Variants in CIT observed in about 807,000 individuals in gnomAD.
CIT encodes citron Rho-interacting kinase.
CIT carries 79 observed loss-of-function variants against 272.7 expected under a neutral mutation model. The ratio of observed to expected loss-of-function variants is 0.29; its 90% CI spans 0.24 to 0.35. The LOEUF is 0.35. Ranked by LOEUF, CIT falls within the 10% of genes least tolerant of loss-of-function variation. The pLI is 1.00. For synonymous variants in CIT, 948 were observed against 995.6 expected, an observed-to-expected ratio of 0.95 and a Z score of 0.90; for missense variants, 1,909 against 2,618.3, an observed-to-expected ratio of 0.73 and a Z score of 5.91.
chr12:119,713,280 C>A lies in CIT; in HGVS notation c.4502G>T (p.Gly1501Val). ...WMKVPRNNKRGQQGWDRKYIV... is the reference protein window; with the variant it reads ...WMKVPRNNKRVQQGWDRKYIV... ...GTACTTCCTGTCCCAGCCTTGCTGT[C>A]CTCGTTTGTTATTCCTGGGGAAAGA... Residue 1501 changes from glycine to valine, a missense_variant, in exon 35 of 48, where the codon GGA (glycine) becomes GTA (valine). Gly to Val is a moderately radical substitution (Grantham distance 109, BLOSUM62 -3). Around this residue, in one of 8 missense-constraint regions of CIT, gnomAD observed 780 missense variants for 1,067.2 expected, o/e 0.73. Coordinates refer to ENST00000392521, the MANE Select transcript of CIT (RefSeq NM_001206999.2). This position sits in a 1 kb window ranked among gnomAD's most constrained non-coding sequence, Gnocchi z 5.2. 1 of 1,614,044 alleles carries A rather than the reference C, an allele frequency of 6.2e-7. No individual in the cohort carries two copies. Among genetic ancestry groups the A allele is most frequent in the Non-Finnish European group, 8.5e-7 (1 of 1,179,960 alleles).
intron 10 of CIT, among the ~76,000 whole-genome samples, chr12:119,791,629 G>A (rs1965315437): frequency 6.6e-6 from 1 of 152,232 alleles, no homozygotes; most frequent in South Asian, 2.1e-4. Flanking sequence ...TTATCCCCAT[G>A]GAGAGAAAAG....
intron 9 of CIT, among the ~76,000 whole-genome samples, chr12:119,803,933 C>A (rs1966421681): frequency 6.6e-6 from 1 of 151,840 alleles, no homozygotes; most frequent in South Asian, 2.1e-4. Flanking sequence ...TAGGATACCA[C>A]TGCAGTCTAC....
rs760540094 is a variant in CIT at position 119,834,276 on chromosome 12, G to C, written c.517-48C>G. 4 of 1,503,098 alleles carry C rather than the reference G, an allele frequency of 2.7e-6. No homozygotes were observed. The African/African-American group carries it at 5.6e-5, about 21-fold the overall frequency. 93.1% of individuals were successfully genotyped at this position (1,503,098 alleles called of 1,614,324 possible). A position where few individuals can be genotyped will look rare whatever the true frequency, so the allele number is the denominator to read the frequency against. On this transcript the variant is annotated intron_variant, in intron 5 of 47. Transcript: ENST00000392521. ...TAATTCTTCACACACCCAAAAATAG[G>C]GAATGCCTCAATTAGATCCTCGAAT...
At chr12:119,801,537 C>T (rs1050362879) in intron 10 of CIT, among the ~76,000 whole-genome samples, 1 of 152,178 alleles carries the variant, frequency 6.6e-6, no homozygotes, top group Admixed American at 6.5e-5. Flanking sequence ...GACCAACACC[C>T]AAGCAAGCTT....
intron 10 of CIT, among the ~76,000 whole-genome samples, chr12:119,788,740 G>A (rs760842246): frequency 2.6e-5 from 4 of 152,064 alleles, no homozygotes; most frequent in African/African-American, 7.2e-5. Context: ...GCCCCCACCC[G>A]CCGGCACTCG....
chr12:119,760,329 AG>A (rs1446616828), intron 20 of CIT, among the ~76,000 whole-genome samples: 6 of 152,122 alleles, frequency 3.9e-5, no homozygotes, highest in African/African-American at 1.4e-4. Flanking sequence ...CAAACAGGCA[AG>A]TAAAAAGAAG....
chr12:119,699,869 CCACGACGGCATTTCAGAACATTCA>C (rs1565902835), intron 44 of CIT: 4 of 456,082 alleles, frequency 8.8e-6, no homozygotes, highest in Non-Finnish European at 1.8e-5. Flanking sequence ...GGTATCTGGG[CCACGACGGCATTTCAGAACATTCA>C]CACAGATACG....
intron 6 of CIT, 141 bp downstream of exon 6, chr12:119,833,945 C>T (rs1968822126): frequency 1.2e-6 from 1 of 814,774 alleles, no homozygotes; most frequent in African/African-American, 1.7e-5. Context: ...TTGCTTTCAG[C>T]CAGTTATTGG....
Position 119,752,235 on chromosome 12 carries a change from G to A in CIT, c.2719C>T (p.His907Tyr). ...TTGAGCTCCAGTTTCTGCTCCTCGT[G>A]CTCTAGACTGACCTGAGACAGAGAG... Reference protein sequence around the residue: ...ETRLREVSLEHEEQKLELKRQ... With the variant: ...ETRLREVSLEYEEQKLELKRQ... Residue 907 changes from histidine to tyrosine, a missense_variant, in exon 23 of 48, where the codon CAC becomes TAC. Physicochemically the swap from His to Tyr is moderately conservative, Grantham distance 83 (BLOSUM62 2). Transcript: ENST00000392521. 14 of 1,606,980 alleles carry A rather than the reference G, an allele frequency of 8.7e-6. No homozygotes were observed. The highest frequency in any genetic ancestry group is 1.2e-5 in the Non-Finnish European group (14 of 1,179,310).
At chr12:119,856,555 CCACACA>C (rs765878824) in intron 4 of CIT, among the ~76,000 whole-genome samples, 1 of 151,280 alleles carries the variant, frequency 6.6e-6, no homozygotes, top group African/African-American at 2.4e-5. Flanking sequence ...ACACACACAC[CCACACA>C]CACACACTTG....
chr12:119,855,582 A>G (rs775218874), intron 4 of CIT, among the ~76,000 whole-genome samples: 28 of 149,678 alleles, frequency 1.9e-4, no homozygotes, highest in Non-Finnish European at 3.2e-4. Flanking sequence ...CCTTCCCTTC[A>G]CTGCTTGTGC....
At chr12:119,723,062 AT>A (rs1414310228) in intron 28 of CIT, among the ~76,000 whole-genome samples, 1 of 122,366 alleles carries the variant, frequency 8.2e-6, no homozygotes, top group Non-Finnish European at 1.7e-5. Flanking sequence ...CTCTAAAAAA[AT>A]AAAAACGAAA....
At chr12:119,691,403 C>T (rs1039653747) in intron 46 of CIT, among the ~76,000 whole-genome samples, 2 of 152,248 alleles carry the variant, frequency 1.3e-5, no homozygotes, top group South Asian at 2.1e-4. Context: ...CACTCCTGGG[C>T]CTCGTGTTTG....
Position 119,857,506 on chromosome 12 carries a change from T to A in CIT, c.414+17A>T. 1.2e-6 allele frequency: 2 copies of A among 1,613,330 alleles called. No homozygotes were observed. The highest frequency in any genetic ancestry group is 1.7e-4 in the Middle Eastern group (1 of 6,060). On this transcript the variant is annotated intron_variant, in intron 4 of 47. Coordinates refer to ENST00000392521, the MANE Select transcript of CIT (RefSeq NM_001206999.2). ...CGGTACAGAAAGTGGAAAAGCATGA[T>A]GTTAAAATCCTCCTACCTGCTCCTG...
At chr12:119,757,725 G>A (rs113064276) in intron 21 of CIT, among the ~76,000 whole-genome samples, 180 bp from the exon 22 acceptor site, 5 of 152,296 alleles carry the variant, frequency 3.3e-5, no homozygotes, top group Non-Finnish European at 7.3e-5. Flanking sequence ...CATGACGAAC[G>A]TGGGGACCAT....
intron 2 of CIT, among the ~76,000 whole-genome samples, chr12:119,872,772 A>G (rs1315191649): frequency 2.0e-5 from 3 of 152,064 alleles, no homozygotes; most frequent in African/African-American, 4.8e-5. Flanking sequence ...ACCTACCTCC[A>G]TATCTGTCTA....
At position 119,825,540 on chromosome 12, in the gene CIT, TA is replaced by T. The variant is rs11286691; in HGVS notation, c.754-173del. Reference sequence around the variant, plus strand: ...AGGAAATGCAAACGCTTTACTAATTTAAAAAAAAAAAAAAAGCACACAGCAT... The same window carrying T: ...AGGAAATGCAAACGCTTTACTAATTTAAAAAAAAAAAAAAGCACACAGCAT... On this transcript the variant is annotated intron_variant, in intron 7 of 47. Coordinates refer to ENST00000392521, the MANE Select transcript of CIT (RefSeq NM_001206999.2). 0.58 allele frequency among the ~76,000 whole-genome samples: 83,216 copies of T among 144,274 alleles called. 23,630 individuals carry two copies. The highest frequency in any genetic ancestry group is 0.81 in the East Asian group (4,059 of 4,992). The allele number at this position is 144,274 out of a possible 152,430, so 94.6% of individuals were successfully genotyped here.
chr12:119,772,665 G>A (rs1963298970), intron 17 of CIT, 105 bp downstream of exon 17: 1 of 1,278,822 alleles, frequency 7.8e-7, no homozygotes, highest in Non-Finnish European at 1.0e-6. Flanking sequence ...AGAAGGGAAA[G>A]CAGCTTTGGT....
chr12:119,837,720 C>G (rs114801076), intron 5 of CIT, among the ~76,000 whole-genome samples: 308 of 152,304 alleles, frequency 2.0e-3, no homozygotes, highest in African/African-American at 6.9e-3. Context: ...TGTAGGTCCT[C>G]TAGGTTAGAA....
Sources: gnomAD v4.1 joint callset for allele counts (sites outside exome capture counted in the v4.1 genomes callset) on GRCh38, gnomAD v4.1.1 for gene constraint, gnomAD v4.1.1 regional missense constraint, Gnocchi (gnomAD v3.1) non-coding constraint, MANE v1.5 for transcripts, NCBI Gene and HGNC (gene_info 2026-07-23, HGNC 2026-07-21) for gene names.